FGF12: variants seen among roughly 807,000 people sequenced by gnomAD.
FGF12 encodes fibroblast growth factor 12.
A neutral mutation model predicts 23.6 loss-of-function variants in FGF12; 14 were observed. That is an observed-to-expected ratio of 0.59 (90% confidence interval 0.39 to 0.93). The LOEUF is 0.93. Among genes scored for constraint, FGF12 ranks in the 40% least tolerant of loss-of-function variants. FGF12 has a pLI of 0.00. For synonymous variants in FGF12, 62 were observed against 77.3 expected (o/e 0.80, Z 1.04); for missense variants, 175 against 217.8 (o/e 0.80, Z 1.24).
chr3:192,706,495 T>C (rs2108734518), intron 2 of FGF12, among the ~76,000 whole-genome samples: 1 of 152,196 alleles, frequency 6.6e-6, no homozygotes, highest in East Asian at 1.9e-4. Flanking sequence ...TGCCACTTCC[T>C]TCCTTTCTGT....
At chr3:192,591,731 G>T (rs7609933) in intron 2 of FGF12, among the ~76,000 whole-genome samples, 1 of 151,778 alleles carries the variant, frequency 6.6e-6, no homozygotes, top group African/African-American at 2.4e-5. Context: ...AAATGCTTAC[G>T]TGGCAATAGA....
intron 2 of FGF12, among the ~76,000 whole-genome samples, chr3:192,710,218 A>C (rs904356636): frequency 2.0e-5 from 3 of 152,182 alleles, no homozygotes; most frequent in African/African-American, 7.2e-5. Flanking sequence ...TTCTGAGTTG[A>C]GAGTATCTTT....
chr3:192,420,395 G>A (rs537273683), intron 2 of FGF12, among the ~76,000 whole-genome samples: 9 of 152,284 alleles, frequency 5.9e-5, no homozygotes, highest in African/African-American at 2.2e-4. Flanking sequence ...ACTCAATGAT[G>A]TAGTTCAGAT....
At chr3:192,369,714 G>A (rs923816261) in intron 2 of FGF12, among the ~76,000 whole-genome samples, 1 of 152,100 alleles carries the variant, frequency 6.6e-6, no homozygotes. Flanking sequence ...ACCATTTATT[G>A]ACTTCCAACA....
chr3:192,386,681 A>G (rs1040832758), intron 2 of FGF12, among the ~76,000 whole-genome samples: 1 of 152,208 alleles, frequency 6.6e-6, no homozygotes, highest in African/African-American at 2.4e-5. Flanking sequence ...ATACAAGGCA[A>G]TGCATGAATA....
chr3:192,167,920 C>G (rs995773458), intron 5 of FGF12, among the ~76,000 whole-genome samples: 7 of 150,812 alleles, frequency 4.6e-5, no homozygotes, highest in Non-Finnish European at 1.0e-4. Flanking sequence ...GCACGTGCCA[C>G]CACGCCCGGT....
intron 2 of FGF12, among the ~76,000 whole-genome samples, chr3:192,603,568 T>A (rs1714208626): frequency 6.6e-6 from 1 of 151,908 alleles, no homozygotes; most frequent in African/African-American, 2.4e-5. Flanking sequence ...AAGAGAGGAA[T>A]TTTACAGCTG....
intron 2 of FGF12, among the ~76,000 whole-genome samples, chr3:192,486,988 G>C (rs1577012985): frequency 6.6e-6 from 1 of 151,854 alleles, no homozygotes; most frequent in African/African-American, 2.4e-5. Flanking sequence ...CTGCATCTTT[G>C]GATTTGTTTT....
Position 192,408,799 on chromosome 3 carries a change from C to T in FGF12, c.14-48261G>A, listed in dbSNP as rs772939995. On this transcript the variant is annotated intron_variant, in intron 2 of 5. Coordinates refer to ENST00000445105, the MANE Select transcript of FGF12 (RefSeq NM_004113.6). The surrounding 1 kb of genome is among the most constrained non-coding windows in gnomAD (Gnocchi z 7.3). ...TTTAGAAAACAAGCCACCAACCGCACGAGAGAAGGAGAGGAAGGCAGCAAT... is the reference window on the plus strand; with the variant it reads ...TTTAGAAAACAAGCCACCAACCGCATGAGAGAAGGAGAGGAAGGCAGCAAT... 8.1e-6 allele frequency: 8 copies of T among 985,856 alleles called. No homozygotes were observed. The highest frequency in any genetic ancestry group is 4.7e-5 in the South Asian group (1 of 21,290). The allele number at this position is 985,856 out of a possible 1,614,324, so 61.1% of individuals were successfully genotyped here. A position where few individuals can be genotyped will look rare whatever the true frequency, so the allele number is the denominator to read the frequency against.
rs868062556 is a variant in FGF12 at position 192,527,088 on chromosome 3, A to G, written c.14-166550T>C. ...AAAATTTGGAGGTGGGGCCTTTGGG[A>G]GGTAATTAGGATTAGATAACATCAT... On this transcript the variant is annotated intron_variant, in intron 2 of 5. Coordinates refer to ENST00000445105, the MANE Select transcript of FGF12 (RefSeq NM_004113.6). Among the ~76,000 whole-genome samples the G allele has an allele frequency of 3.3e-5, 5 of 152,006 alleles. No homozygotes were observed. In the South Asian group the frequency reaches 1.0e-3, roughly 32 times the overall value.
intron 3 of FGF12, among the ~76,000 whole-genome samples, chr3:192,337,956 T>C (rs548877159): frequency 6.6e-6 from 1 of 152,310 alleles, no homozygotes; most frequent in South Asian, 2.1e-4. Flanking sequence ...CATTCATTAA[T>C]TGTATTTGAT....
At chr3:192,233,267 C>G (rs908867345) in intron 4 of FGF12, among the ~76,000 whole-genome samples, 1 of 152,088 alleles carries the variant, frequency 6.6e-6, no homozygotes, top group African/African-American at 2.4e-5. Flanking sequence ...GAAATGGTAT[C>G]TCATTGTGGT....
chr3:192,624,020 T>C (rs1715067876), intron 2 of FGF12, among the ~76,000 whole-genome samples: 1 of 152,220 alleles, frequency 6.6e-6, no homozygotes, highest in Non-Finnish European at 1.5e-5. Flanking sequence ...AAACACACCA[T>C]ATCTTGAACT....
At chr3:192,722,430 A>AC (rs1719067512) in intron 2 of FGF12, among the ~76,000 whole-genome samples, 1 of 152,180 alleles carries the variant, frequency 6.6e-6, no homozygotes. Flanking sequence ...CAGAGAAATG[A>AC]CTGTTCTATA....
chr3:192,173,762 GA>G (rs368146986), intron 4 of FGF12, among the ~76,000 whole-genome samples: 4 of 151,932 alleles, frequency 2.6e-5, no homozygotes, highest in African/African-American at 9.7e-5. Flanking sequence ...AAGAAGTTAG[GA>G]AAAAAATAAT....
At chr3:192,155,350 AGTT>A (rs1243756451) in intron 5 of FGF12, among the ~76,000 whole-genome samples, 2 of 152,122 alleles carry the variant, frequency 1.3e-5, no homozygotes, top group Non-Finnish European at 2.9e-5. Flanking sequence ...AACTTTTATG[AGTT>A]GTTCTGGTGC....
intron 2 of FGF12, among the ~76,000 whole-genome samples, chr3:192,684,120 T>A (rs1362115916): frequency 6.6e-6 from 1 of 152,106 alleles, no homozygotes; most frequent in African/African-American, 2.4e-5. Context: ...AGGTTATGAA[T>A]CGGTAGTTTT....
intron 4 of FGF12, among the ~76,000 whole-genome samples, chr3:192,330,352 G>A (rs142071141): frequency 1.8e-3 from 281 of 152,104 alleles, no homozygotes; most frequent in African/African-American, 6.4e-3. Flanking sequence ...TATGGTAATC[G>A]AACAGTATGG....
chr3:192,518,179 A>AT lies in FGF12; in HGVS notation c.14-157642dup, dbSNP rs1724727236. Among the ~76,000 whole-genome samples, 3 of 152,060 alleles carry AT rather than the reference A, an allele frequency of 2.0e-5. No homozygotes were observed. In the South Asian group the frequency reaches 6.2e-4, roughly 32 times the overall value. On this transcript the variant is annotated intron_variant, in intron 2 of 5. Transcript: ENST00000445105. Reference sequence around the variant, plus strand: ...ATTATGTTATCTGTCTGTAGTTGGGATTTTTTAAAGTTAGCCATTCTTTCT... The same window carrying AT: ...ATTATGTTATCTGTCTGTAGTTGGGATTTTTTTAAAGTTAGCCATTCTTTCT...
Sources: gnomAD v4.1 joint callset for allele counts (sites outside exome capture counted in the v4.1 genomes callset) on GRCh38, gnomAD v4.1.1 for gene constraint, Gnocchi (gnomAD v3.1) non-coding constraint, MANE v1.5 for transcripts, NCBI Gene and HGNC (gene_info 2026-07-23, HGNC 2026-07-21) for gene names.